The following PPP2R3A variants were observed in gnomAD, a reference collection of about 807,000 sequenced individuals.
PPP2R3A encodes the protein serine/threonine-protein phosphatase 2A regulatory subunit B'' subunit alpha.
A neutral mutation model predicts 106.9 loss-of-function variants in PPP2R3A; 80 were observed. The observed-to-expected ratio is 0.75, with a 90% CI of 0.62 to 0.90. PPP2R3A has a LOEUF of 0.90. PPP2R3A is among the 40% of genes least tolerant of loss of function. The probability of loss-of-function intolerance (pLI) is 0.00; values close to 1 mark genes in which losing one functional copy is unlikely to be tolerated. For synonymous variants in PPP2R3A, 483 were observed against 468.3 expected, an observed-to-expected ratio of 1.03 and a Z score of -0.41; for missense variants, 1,386 against 1,350.4, an observed-to-expected ratio of 1.03 and a Z score of -0.41.
chr3:136,085,913 C>T (rs1295857950), intron 8 of PPP2R3A, among the ~76,000 whole-genome samples: 3 of 151,240 alleles, frequency 2.0e-5, no homozygotes, highest in Admixed American at 6.6e-5. Context: ...ATGGTGAAAC[C>T]CTGTCTCTAC....
chr3:136,135,451 G>T (rs1050801404), intron 13 of PPP2R3A, among the ~76,000 whole-genome samples: 1 of 152,240 alleles, frequency 6.6e-6, no homozygotes, highest in South Asian at 2.1e-4. Context: ...ATCAACTAGG[G>T]TTTCATCTCA....
chr3:136,024,111 T>A (rs779938645), intron 2 of PPP2R3A, among the ~76,000 whole-genome samples: 3 of 152,136 alleles, frequency 2.0e-5, no homozygotes, highest in Non-Finnish European at 4.4e-5. Flanking sequence ...AATGATACTG[T>A]GTTTATAGGG....
At position 136,106,322 on chromosome 3, in the gene PPP2R3A, GGTGA is replaced by G. The variant is rs769579646; in HGVS notation, c.3329+3_3329+6del. 3.7e-6 allele frequency: 6 copies of G among 1,612,906 alleles called. No individual in the cohort carries two copies. Among genetic ancestry groups the G allele is most frequent in the Non-Finnish European group, 5.1e-6 (6 of 1,179,186 alleles). On this transcript the variant is annotated splice_donor_variant and splice_donor_region_variant and intron_variant, in intron 13 of 13. Transcript: ENST00000264977. LOFTEE classifies it high-confidence loss of function. The stretch of plus-strand genomic sequence containing the variant: ...TCTGCCCAAGCACAATTCCAGGAAG[GGTGA>G]GTAAGTTTCCCTATGTCTTATAGAA...
At chr3:135,994,854 G>A (rs2107778423) in intron 1 of PPP2R3A, among the ~76,000 whole-genome samples, 1 of 152,220 alleles carries the variant, frequency 6.6e-6, no homozygotes, top group South Asian at 2.1e-4. Context: ...GTTTTTACCT[G>A]ATAAGGCTCT....
chr3:136,066,926 T>A (rs892752288), intron 5 of PPP2R3A, among the ~76,000 whole-genome samples: 1 of 152,200 alleles, frequency 6.6e-6, no homozygotes, highest in African/African-American at 2.4e-5. Flanking sequence ...AATTTCTCTG[T>A]ATTTTAGATA....
At chr3:136,047,820 G>A (rs1935525187) in intron 4 of PPP2R3A, among the ~76,000 whole-genome samples, 1 of 152,032 alleles carries the variant, frequency 6.6e-6, no homozygotes, top group Admixed American at 6.6e-5. Context: ...CAGGAGAATG[G>A]CGTGAACCCA....
rs1210208273 is a variant in PPP2R3A at position 136,001,498 on chromosome 3, T to C, written c.-1T>C. ...TCCCACCAGTAAGTGGATTTGATAT[T>C]ATGGCAGCAACTTACAGACTTGTGG... On this transcript the variant is annotated 5_prime_UTR_variant, in exon 2 of 14. Transcript: ENST00000264977. 1 of 1,608,426 alleles carries C rather than the reference T, an allele frequency of 6.2e-7. No homozygotes were observed. Among genetic ancestry groups the C allele is most frequent in the Non-Finnish European group, 8.5e-7 (1 of 1,176,226 alleles).
chr3:136,046,995 T>A (rs1011434932), intron 4 of PPP2R3A, among the ~76,000 whole-genome samples: 1 of 152,124 alleles, frequency 6.6e-6, no homozygotes, highest in African/African-American at 2.4e-5. Flanking sequence ...GGAAAGAGTC[T>A]CAGAGCTCAA....
At chr3:136,136,963 G>A (rs1212552118) in intron 13 of PPP2R3A, among the ~76,000 whole-genome samples, 1 of 152,158 alleles carries the variant, frequency 6.6e-6, no homozygotes, top group African/African-American at 2.4e-5. Flanking sequence ...AACATGTCTA[G>A]CACACAAAGT....
chr3:136,102,522 T>G (rs1004520785), intron 11 of PPP2R3A, among the ~76,000 whole-genome samples: 1 of 151,876 alleles, frequency 6.6e-6, no homozygotes, highest in African/African-American at 2.4e-5. Flanking sequence ...AATTTTTGTA[T>G]TTTTAGTAGA....
intron 3 of PPP2R3A, 50 bp from the exon 4 acceptor site, chr3:136,040,809 C>T (rs1935239937): frequency 4.1e-6 from 6 of 1,459,206 alleles, no homozygotes; most frequent in Middle Eastern, 1.8e-4. Flanking sequence ...TTGGCCGTGT[C>T]ATCTCTTCAT....
At chr3:136,143,191 C>T (rs961386896) in intron 13 of PPP2R3A, among the ~76,000 whole-genome samples, 1 of 152,202 alleles carries the variant, frequency 6.6e-6, no homozygotes, top group Non-Finnish European at 1.5e-5. Flanking sequence ...AACCTCTATT[C>T]AAAAATGTTG....
chr3:136,013,941 G>A (rs752619127), intron 2 of PPP2R3A, among the ~76,000 whole-genome samples: 30 of 152,008 alleles, frequency 2.0e-4, no homozygotes, highest in Non-Finnish European at 4.3e-4. Flanking sequence ...GGGTTTTTCC[G>A]ATGTTGTCTT....
chr3:135,977,688 C>CTTTTTT lies in PPP2R3A; in HGVS notation c.-441+11862_-441+11867dup, dbSNP rs66592538. 1.1e-3 allele frequency among the ~76,000 whole-genome samples: 67 copies of CTTTTTT among 61,134 alleles called. 6 individuals are homozygous for CTTTTTT. Among genetic ancestry groups the CTTTTTT allele is most frequent in the African/African-American group, 3.1e-3 (44 of 14,300 alleles). 40.1% of individuals were successfully genotyped at this position (61,134 alleles called of 152,430 possible). A position where few individuals can be genotyped will look rare whatever the true frequency, so the allele number is the denominator to read the frequency against. ...AAGTTGCATTCATCTGATCAGCATT[C>CTTTTTT]TTTTTTTTTTTTTTTTTTTTTTTTT... is the stretch of plus-strand genomic sequence containing the variant. On this transcript the variant is annotated intron_variant, in intron 1 of 13. Coordinates refer to ENST00000264977, the MANE Select transcript of PPP2R3A (RefSeq NM_002718.5).
At chr3:135,969,167 A>C (rs1479163843) in intron 1 of PPP2R3A, among the ~76,000 whole-genome samples, 1 of 152,230 alleles carries the variant, frequency 6.6e-6, no homozygotes, top group Non-Finnish European at 1.5e-5. Context: ...TGATTATAAA[A>C]TATTCTGGTC....
intron 6 of PPP2R3A, 24 bp downstream of exon 6, chr3:136,070,576 T>C: frequency 6.3e-7 from 1 of 1,578,666 alleles, no homozygotes; most frequent in Non-Finnish European, 8.6e-7. Context: ...TCTTTTTTCT[T>C]AATATAACTC....
In PPP2R3A at chr3:136,145,296, CTT is replaced by C; in HGVS notation, c.*132_*133del. 1 of 1,237,896 alleles carries C rather than the reference CTT, an allele frequency of 8.1e-7. No homozygotes were observed. The highest frequency in any genetic ancestry group is 1.1e-6 in the Non-Finnish European group (1 of 929,050). 76.7% of individuals were successfully genotyped at this position (1,237,896 alleles called of 1,614,324 possible). On this transcript the variant is annotated 3_prime_UTR_variant, in exon 14 of 14. Coordinates refer to ENST00000264977, the MANE Select transcript of PPP2R3A (RefSeq NM_002718.5). ...AAGTGTGTATCATCTGCACTAGGAA[CTT>C]TGTTTTTAAGCAATAGGTCTGGATA...
intron 1 of PPP2R3A, among the ~76,000 whole-genome samples, chr3:135,984,945 T>A (rs1018504989): frequency 2.6e-5 from 4 of 152,034 alleles, no homozygotes; most frequent in African/African-American, 7.2e-5. Context: ...CTCCCATTTT[T>A]AAAACCATCA....
chr3:136,054,276 TTG>T (rs1559891863), intron 5 of PPP2R3A, among the ~76,000 whole-genome samples: 2 of 148,664 alleles, frequency 1.3e-5, no homozygotes, highest in African/African-American at 2.5e-5. Flanking sequence ...TTTTTTTTTT[TTG>T]AGTTGGAGGC....
Sources: gnomAD v4.1 joint callset for allele counts (sites outside exome capture counted in the v4.1 genomes callset) on GRCh38, gnomAD v4.1.1 for gene constraint, MANE v1.5 for transcripts, NCBI Gene and HGNC (gene_info 2026-07-23, HGNC 2026-07-21) for gene names.